The following FHIT variants were observed in gnomAD, a reference collection of about 807,000 sequenced individuals.
FHIT encodes fragile histidine triad diadenosine triphosphatase, also known as bis(5'-adenosyl)-triphosphatase.
Under a neutral mutation model 17.9 loss-of-function variants are expected in FHIT, and 19 were observed. The observed-to-expected ratio is 1.06, with a 90% CI of 0.74 to 1.56. The LOEUF (loss-of-function observed/expected upper bound fraction) is 1.56. FHIT is among the 40% of genes most tolerant of loss of function. The pLI is 0.00. For missense variants in FHIT, 248 were observed against 189.2 expected, an observed-to-expected ratio of 1.31 and a Z score of -1.82; for synonymous variants, 81 against 69.7, an observed-to-expected ratio of 1.16 and a Z score of -0.81.
intron 5 of FHIT, among the ~76,000 whole-genome samples, chr3:60,503,655 A>C (rs2107528347): frequency 6.6e-6 from 1 of 152,332 alleles, no homozygotes; most frequent in Non-Finnish European, 1.5e-5. Flanking sequence ...AAATATTATG[A>C]AACCACTGAA....
intron 7 of FHIT, among the ~76,000 whole-genome samples, chr3:59,924,024 G>A (rs750384067): frequency 6.6e-6 from 1 of 152,176 alleles, no homozygotes; most frequent in African/African-American, 2.4e-5. Flanking sequence ...AAGATTACGT[G>A]AGCATGGAGA....
At chr3:60,418,482 T>C (rs1012478355) in intron 5 of FHIT, among the ~76,000 whole-genome samples, 30 of 143,756 alleles carry the variant, frequency 2.1e-4, no homozygotes, top group African/African-American at 6.9e-4. Flanking sequence ...GTATTTTTCT[T>C]GCTTTTCTTA....
intron 5 of FHIT, among the ~76,000 whole-genome samples, chr3:60,231,528 C>T (rs1036779916): frequency 6.6e-6 from 1 of 152,152 alleles, no homozygotes; most frequent in African/African-American, 2.4e-5. Context: ...ATATGTGGCA[C>T]TCTTTTGTGT....
At chr3:60,221,520 C>T (rs1225690312) in intron 5 of FHIT, among the ~76,000 whole-genome samples, 1 of 152,182 alleles carries the variant, frequency 6.6e-6, no homozygotes, top group Non-Finnish European at 1.5e-5. Flanking sequence ...TAAAAGTACT[C>T]CAGTGGCTTC....
chr3:60,528,937 C>A (rs1047094701), intron 5 of FHIT, among the ~76,000 whole-genome samples: 1 of 152,182 alleles, frequency 6.6e-6, no homozygotes, highest in East Asian at 1.9e-4. Flanking sequence ...AATTGTTACA[C>A]ATAAACATAA....
intron 5 of FHIT, among the ~76,000 whole-genome samples, chr3:60,168,505 T>C (rs1701279608): frequency 6.6e-6 from 1 of 152,148 alleles, no homozygotes; most frequent in South Asian, 2.1e-4. Context: ...CCTCTCCAAA[T>C]GATCTTGGAG....
At chr3:60,187,365 G>A (rs1234546640) in intron 5 of FHIT, among the ~76,000 whole-genome samples, 1 of 152,184 alleles carries the variant, frequency 6.6e-6, no homozygotes, top group Non-Finnish European at 1.5e-5. Context: ...TAGAAGAGAA[G>A]TTGTCCTCTG....
rs545507934 is a variant in FHIT, at chr3:60,490,848, G to T, written c.103+46012C>A. 9.9e-5 allele frequency among the ~76,000 whole-genome samples: 15 copies of T among 152,214 alleles called. No homozygotes were observed. The East Asian group carries it at 2.9e-3, about 29-fold the overall frequency. On this transcript the variant is annotated intron_variant, in intron 5 of 9. Coordinates refer to ENST00000492590, the MANE Select transcript of FHIT (RefSeq NM_002012.4). ...ATAGTAGCATCATGCTACTTTGCAG[G>T]TGAGGATACAGGTATAAAGATGTTA...
intron 5 of FHIT, among the ~76,000 whole-genome samples, chr3:60,369,034 A>G (rs1178644781): frequency 6.6e-6 from 1 of 151,862 alleles, no homozygotes; most frequent in Non-Finnish European, 1.5e-5. Flanking sequence ...GGGCAGTGGC[A>G]TGTTCAGAAC....
At chr3:61,217,841 A>C (rs990278198) in intron 1 of FHIT, among the ~76,000 whole-genome samples, 2 of 152,260 alleles carry the variant, frequency 1.3e-5, no homozygotes, top group Non-Finnish European at 2.9e-5. Context: ...ATAATGCATT[A>C]AAGTTGGAAA....
At chr3:60,403,425 C>A (rs990313687) in intron 5 of FHIT, among the ~76,000 whole-genome samples, 22 of 152,076 alleles carry the variant, frequency 1.4e-4, no homozygotes, top group African/African-American at 5.1e-4. Context: ...AAAGATAATA[C>A]CCAAAATGAA....
chr3:60,804,696 G>C (rs2106682863), intron 4 of FHIT, among the ~76,000 whole-genome samples: 1 of 152,330 alleles, frequency 6.6e-6, no homozygotes, highest in East Asian at 1.9e-4. Flanking sequence ...TTTAGTCAAA[G>C]TTCTTGCTTC....
intron 5 of FHIT, among the ~76,000 whole-genome samples, chr3:60,051,712 T>C (rs574868505): frequency 6.6e-6 from 1 of 152,296 alleles, no homozygotes; most frequent in East Asian, 1.9e-4. Context: ...AGGTTTCCCT[T>C]CAATGCTTTG....
chr3:60,284,234 C>T (rs542902123), intron 5 of FHIT, among the ~76,000 whole-genome samples: 13 of 152,232 alleles, frequency 8.5e-5, no homozygotes, highest in African/African-American at 2.6e-4. Context: ...ATGGATGTCA[C>T]TTACATTTAA....
chr3:60,090,435 C>T (rs1408296585), intron 5 of FHIT, among the ~76,000 whole-genome samples: 1 of 152,158 alleles, frequency 6.6e-6, no homozygotes, highest in African/African-American at 2.4e-5. Context: ...AAGTCAGTCT[C>T]CCTTCTTCAA....
chr3:60,095,441 G>C (rs1475254043), intron 5 of FHIT, among the ~76,000 whole-genome samples: 2 of 152,158 alleles, frequency 1.3e-5, no homozygotes, highest in Non-Finnish European at 2.9e-5. Context: ...GAAAATTGGA[G>C]AGCTTAAAAT....
chr3:61,243,685 A>G (rs1257897791), intron 1 of FHIT, among the ~76,000 whole-genome samples: 1 of 152,140 alleles, frequency 6.6e-6, no homozygotes, highest in Non-Finnish European at 1.5e-5. Context: ...GTTTCTTTGG[A>G]ACACAGTTTT....
At chr3:60,523,897 T>C (rs1212030975) in intron 5 of FHIT, among the ~76,000 whole-genome samples, 1 of 152,210 alleles carries the variant, frequency 6.6e-6, no homozygotes, top group African/African-American at 2.4e-5. Context: ...CATGTGTTCA[T>C]GTGTGTTAGG....
chr3:60,060,181 G>A (rs1205284665), intron 5 of FHIT, among the ~76,000 whole-genome samples: 2 of 148,922 alleles, frequency 1.3e-5, no homozygotes, highest in African/African-American at 5.0e-5. Context: ...GGTATAATTG[G>A]TGTTAAAAAA....
Sources: allele counts gnomAD v4.1 joint callset (sites outside exome capture counted in the v4.1 genomes callset), GRCh38; gene constraint gnomAD v4.1.1; transcripts MANE v1.5; gene names NCBI Gene and HGNC (gene_info 2026-07-23, HGNC 2026-07-21).